The following ZNF541 variants were observed in gnomAD, a reference collection of about 807,000 sequenced individuals.
The protein encoded by ZNF541 is zinc finger protein 541.
Under a neutral mutation model 123.5 loss-of-function variants are expected in ZNF541, and 23 were observed. The ratio of observed to expected loss-of-function variants is 0.19; its 90% confidence interval spans 0.13 to 0.26. ZNF541 has a LOEUF of 0.26. ZNF541 is among the 10% of genes least tolerant of loss of function. The pLI is 1.00. For missense variants in ZNF541, 1,612 were observed against 1,789.9 expected (o/e 0.90, Z 1.79); for synonymous variants, 751 against 754.5 (o/e 1.00, Z 0.08).
At chr19:47,536,384 C>T (rs1969821518) in intron 9 of ZNF541, among the ~76,000 whole-genome samples, 1 of 152,198 alleles carries the variant, frequency 6.6e-6, no homozygotes, top group Non-Finnish European at 1.5e-5. Flanking sequence ...ATTATAGGCA[C>T]CCGCCACCAT....
At chr19:47,537,305 T>C (rs1475749468) in intron 9 of ZNF541, among the ~76,000 whole-genome samples, 2 of 152,184 alleles carry the variant, frequency 1.3e-5, no homozygotes, top group Non-Finnish European at 2.9e-5. Flanking sequence ...GGCTCACACC[T>C]GTAATCCCAG....
At chr19:47,554,361 G>T (rs1970727533) in intron 3 of ZNF541, among the ~76,000 whole-genome samples, 1 of 152,212 alleles carries the variant, frequency 6.6e-6, no homozygotes, top group South Asian at 2.1e-4. Context: ...AACCTGGGAG[G>T]CAGAGGTTGC....
intron 14 of ZNF541, among the ~76,000 whole-genome samples, chr19:47,526,564 G>A (rs1481417955): frequency 6.6e-6 from 1 of 150,546 alleles, no homozygotes. Context: ...CACCAAATAA[G>A]GCATACAGAC....
rs545510948 is a variant in ZNF541, at chr19:47,545,236, A to G, written c.1293T>C (p.Phe431=). The G allele has an allele frequency of 1.9e-4, 290 of 1,547,322 alleles. No individual in the cohort carries two copies. The South Asian group carries it at 2.1e-3, about 11-fold the overall frequency. The part of the protein sequence containing the change: ...GCPKSKGNNV[F]VVHKPSAVPS... Reference sequence around the variant, plus strand: ...GCACGGCCGAGGGCTTGTGGACAACAAACACGTTGTTGCCTTTGCTTTTGG... The same window carrying G: ...GCACGGCCGAGGGCTTGTGGACAACGAACACGTTGTTGCCTTTGCTTTTGG... Residue 431 remains phenylalanine, a synonymous_variant, in exon 5 of 17, where the codon TTT becomes TTC. Transcript: ENST00000391901. This position sits in a 1 kb window ranked among gnomAD's most constrained non-coding sequence, Gnocchi z 7.5.
intron 8 of ZNF541, 48 bp from the exon 9 acceptor site, chr19:47,538,487 A>G: frequency 1.4e-6 from 2 of 1,435,616 alleles, no homozygotes; most frequent in Non-Finnish European, 1.8e-6. Flanking sequence ...CACCTACTGC[A>G]CCACTCCATC....
At chr19:47,529,095 G>T in intron 13 of ZNF541, 57 bp from the exon 14 acceptor site, 2 of 1,301,198 alleles carry the variant, frequency 1.5e-6, no homozygotes, top group African/African-American at 1.5e-5. Flanking sequence ...CCACAGCCAT[G>T]GCTGAAATGC....
At chr19:47,528,872 C>G in intron 14 of ZNF541, 78 bp downstream of exon 14, 1 of 1,253,680 alleles carries the variant, frequency 8.0e-7, no homozygotes, top group Non-Finnish European at 1.1e-6. Flanking sequence ...GCCCTCCGAC[C>G]CCCGACCAGC....
In ZNF541 at chr19:47,529,640, T is replaced by A; in HGVS notation, c.3418A>T (p.Thr1140Ser). 6.4e-7 allele frequency: 1 copy of A among 1,550,654 alleles called. No individual in the cohort carries two copies. Among genetic ancestry groups the A allele is most frequent in the Non-Finnish European group, 8.7e-7 (1 of 1,146,742 alleles). ...TTGTGGGGCCCTCGGAGCAGAAGAG[T>A]CTCCAGGGCGACCTGGAACAAGAGG... ...AQGNVQVALE[T>S]LLLRGPHKPR... Residue 1140 changes from threonine (T) to serine (S), a missense_variant, in exon 13 of 17, where the codon ACT becomes TCT. Coordinates refer to ENST00000391901, the MANE Select transcript of ZNF541 (RefSeq NM_001277075.3).
At chr19:47,570,776 G>A (rs949814298) in intron 2 of ZNF541, among the ~76,000 whole-genome samples, 3 of 150,856 alleles carry the variant, frequency 2.0e-5, no homozygotes, top group African/African-American at 7.3e-5. Context: ...GTGCAAAGGG[G>A]TCTTAAGAGC....
intron 9 of ZNF541, among the ~76,000 whole-genome samples, chr19:47,534,480 G>A (rs1005597582): frequency 6.6e-6 from 1 of 152,052 alleles, no homozygotes; most frequent in African/African-American, 2.4e-5. Context: ...ACAAAACCCC[G>A]TCTCTACTAA....
Position 47,545,642 on chromosome 19 carries a change from C to G in ZNF541, c.887G>C (p.Gly296Ala). Residue 296 changes from glycine to alanine, a missense_variant, in exon 5 of 17, where the codon GGG becomes GCG. Gly to Ala is a moderately conservative substitution (Grantham distance 60). Around this residue, in one of 5 missense-constraint regions of ZNF541, gnomAD observed 1,080 missense variants for 1,013.8 expected, o/e 1.07. Coordinates refer to ENST00000391901, the MANE Select transcript of ZNF541 (RefSeq NM_001277075.3). The surrounding 1 kb of genome is among the most constrained non-coding windows in gnomAD (Gnocchi z 7.5). ...GTTCCTCCCTTCGCTGTCTGAAGCC[C>G]CCGCCGGGGCTGGGCCAGGAGAAGG... ...KTPSPGPAPAGASDSEGRNTA... is the reference protein window; with the variant it reads ...KTPSPGPAPAAASDSEGRNTA... The G allele has an allele frequency of 6.5e-7, 1 of 1,549,502 alleles. No individual in the cohort carries two copies. Among genetic ancestry groups the G allele is most frequent in the South Asian group, 1.2e-5 (1 of 84,010 alleles).
intron 2 of ZNF541, among the ~76,000 whole-genome samples, chr19:47,563,170 T>C (rs1320277877): frequency 6.6e-6 from 1 of 152,212 alleles, no homozygotes; most frequent in African/African-American, 2.4e-5. Context: ...TAAAGTCACA[T>C]ACAGGTACGT....
At chr19:47,529,146 A>G (rs1969445714) in intron 13 of ZNF541, 108 bp from the exon 14 acceptor site, 1 of 797,894 alleles carries the variant, frequency 1.3e-6, no homozygotes, top group Non-Finnish European at 2.0e-6. Flanking sequence ...CTGAGTACCA[A>G]TTATGTGCCA....
At position 47,538,217 on chromosome 19, in the gene ZNF541, A is replaced by G; in HGVS notation, c.3019T>C (p.Ser1007Pro). ...PPMLSPIREGSGVYFNTLCST... is the reference protein window; with the variant it reads ...PPMLSPIREGPGVYFNTLCST... ...CAGAGGGTGTTGAAGTACACCCCAG[A>G]GCCCTCCCGGATGGGGCTGAGCATT... The change falls in exon 9 of 17, where the codon TCT (serine) becomes CCT (proline). Residue 1007 changes from serine to proline, a missense_variant. Transcript: ENST00000391901. The G allele has an allele frequency of 6.4e-7, 1 of 1,551,560 alleles. No individual in the cohort carries two copies. Among genetic ancestry groups the G allele is most frequent in the Non-Finnish European group, 8.7e-7 (1 of 1,146,970 alleles).
intron 2 of ZNF541, among the ~76,000 whole-genome samples, chr19:47,556,274 G>T (rs763600567): frequency 5.3e-5 from 8 of 152,068 alleles, no homozygotes; most frequent in Non-Finnish European, 1.0e-4. Context: ...CATAGCCTAG[G>T]TCAAAAGACA....
At chr19:47,533,039 G>A (rs1453877289) in intron 9 of ZNF541, 67 bp from the exon 10 acceptor site, 2 of 1,453,078 alleles carry the variant, frequency 1.4e-6, no homozygotes, top group East Asian at 2.6e-5. Flanking sequence ...TCCTCTGCCT[G>A]CCTGTGTGGA....
At chr19:47,568,429 C>G (rs1456093156) in intron 2 of ZNF541, among the ~76,000 whole-genome samples, 1 of 152,118 alleles carries the variant, frequency 6.6e-6, no homozygotes, top group Non-Finnish European at 1.5e-5. Context: ...ACTGAACCTC[C>G]ACCTCGCGGA....
chr19:47,553,869 TG>T (rs766889363), intron 3 of ZNF541, among the ~76,000 whole-genome samples: 3 of 152,182 alleles, frequency 2.0e-5, no homozygotes, highest in Non-Finnish European at 4.4e-5. Context: ...ATGCTCCGTC[TG>T]GGTAAACTGA....
Position 47,555,973 on chromosome 19 carries a change from G to T in ZNF541, c.-98-19C>A, listed in dbSNP as rs1211137544. ...CTAATTCCTGAAAATGAAGCAAGAAGAATGAAAGTTATTAGGTGGCAAAAC... is the reference window on the plus strand; with the variant it reads ...CTAATTCCTGAAAATGAAGCAAGAATAATGAAAGTTATTAGGTGGCAAAAC... On this transcript the variant is annotated intron_variant, in intron 2 of 16. Transcript: ENST00000391901. The T allele has an allele frequency of 1.8e-6, 2 of 1,113,964 alleles. No homozygotes were observed. The highest frequency in any genetic ancestry group is 2.5e-6 in the Non-Finnish European group (2 of 795,068). The allele number at this position is 1,113,964 out of a possible 1,614,324, so 69.0% of individuals were successfully genotyped here. A position where few individuals can be genotyped will look rare whatever the true frequency, so the allele number is the denominator to read the frequency against.
Sources: gnomAD v4.1 joint callset for allele counts (sites outside exome capture counted in the v4.1 genomes callset) on GRCh38, gnomAD v4.1.1 for gene constraint, gnomAD v4.1.1 regional missense constraint, Gnocchi (gnomAD v3.1) non-coding constraint, MANE v1.5 for transcripts, NCBI Gene and HGNC (gene_info 2026-07-23, HGNC 2026-07-21) for gene names.